PTPRT: variants seen among roughly 807,000 people sequenced by gnomAD.
The protein encoded by PTPRT is receptor-type tyrosine-protein phosphatase T.
In PTPRT, 56 loss-of-function variants were observed where a neutral mutation model predicts 176.8. That is an observed-to-expected ratio of 0.32 (90% CI 0.26 to 0.40). The LOEUF (loss-of-function observed/expected upper bound fraction) is 0.40, where lower values mean the gene tolerates loss of function less well. Ranked by LOEUF, PTPRT falls within the 10% of genes least tolerant of loss-of-function variation. PTPRT has a pLI of 1.00. For synonymous variants in PTPRT, 783 were observed against 739.0 expected, an observed-to-expected ratio of 1.06 and a Z score of -0.96; for missense variants, 1,540 against 1,908.2, an observed-to-expected ratio of 0.81 and a Z score of 3.60.
chr20:42,712,479 G>T (rs952654000), intron 6 of PTPRT, among the ~76,000 whole-genome samples: 3 of 152,176 alleles, frequency 2.0e-5, no homozygotes, highest in African/African-American at 7.2e-5. Context: ...ACACATCTGT[G>T]CACCCTGAGG....
At chr20:42,314,432 G>T (rs2057684123) in intron 12 of PTPRT, among the ~76,000 whole-genome samples, 1 of 151,196 alleles carries the variant, frequency 6.6e-6, no homozygotes, top group Non-Finnish European at 1.5e-5. Context: ...GGGAGGCTGA[G>T]GCAGGAGAAG....
chr20:42,934,914 T>A (rs899870309), intron 1 of PTPRT, among the ~76,000 whole-genome samples: 1 of 151,144 alleles, frequency 6.6e-6, no homozygotes, highest in Non-Finnish European at 1.5e-5. Context: ...ATTAAAAATA[T>A]AAAAAAAGAA....
At chr20:42,680,449 G>C (rs888775673) in intron 6 of PTPRT, among the ~76,000 whole-genome samples, 1 of 152,192 alleles carries the variant, frequency 6.6e-6, no homozygotes, top group African/African-American at 2.4e-5. Flanking sequence ...TAGGTTGGCA[G>C]GCAGATAATT....
At chr20:43,034,861 G>T (rs1021731399) in intron 1 of PTPRT, among the ~76,000 whole-genome samples, 7 of 151,890 alleles carry the variant, frequency 4.6e-5, no homozygotes, top group African/African-American at 1.7e-4. Context: ...TTGCTGGAGA[G>T]GGGGGTCCCT....
rs2058294850 is a variant in PTPRT, at chr20:42,352,227, C to T, written c.1619G>A (p.Gly540Glu). The T allele has an allele frequency of 8.7e-6, 14 of 1,614,024 alleles. No individual in the cohort carries two copies. In the East Asian group the frequency reaches 3.1e-4, roughly 36 times the overall value. Residue 540 changes from glycine (G) to glutamate (E), a missense_variant, in exon 10 of 31, where the codon GGG (glycine) becomes GAG (glutamate). Gly to Glu is a moderately conservative substitution (Grantham distance 98). Coordinates refer to ENST00000373187, the MANE Select transcript of PTPRT (RefSeq NM_007050.6). ...TTCATTCCGGAGCTTGAACACTTTC[C>T]CCCTCTGGCTCGAGAGGTCAGCACT... The part of the protein sequence containing the change: ...DPSADLSSQR[G>E]KVFKLRNETH...
intron 1 of PTPRT, among the ~76,000 whole-genome samples, chr20:42,893,166 A>G (rs1445828686): frequency 6.6e-6 from 1 of 152,216 alleles, no homozygotes; most frequent in Non-Finnish European, 1.5e-5. Context: ...ACAAATTTAC[A>G]AGAAAAAAAC....
chr20:42,699,096 T>G (rs1555901167), intron 6 of PTPRT, among the ~76,000 whole-genome samples: 2 of 151,934 alleles, frequency 1.3e-5, no homozygotes, highest in Non-Finnish European at 2.9e-5. Flanking sequence ...TAAAAAGGAG[T>G]AAAAAGCACA....
the PTPRT span, among the ~76,000 whole-genome samples, chr20:42,039,461 TTGAC>T: frequency 6.6e-6 from 1 of 152,014 alleles, no homozygotes; most frequent in Non-Finnish European, 1.5e-5. Context: ...GTTGTGACCT[TTGAC>T]TGACATCTCC....
intron 6 of PTPRT, among the ~76,000 whole-genome samples, chr20:42,737,906 T>C (rs1235369697): frequency 1.3e-5 from 2 of 152,168 alleles, no homozygotes; most frequent in Admixed American, 6.5e-5. Flanking sequence ...CAGATATACT[T>C]AGCCCCACCT....
intron 1 of PTPRT, among the ~76,000 whole-genome samples, chr20:42,975,717 T>C (rs894247292): frequency 6.6e-6 from 1 of 152,086 alleles, no homozygotes; most frequent in Non-Finnish European, 1.5e-5. Flanking sequence ...TTCTGGAGGC[T>C]ATAGATGGGT....
intron 9 of PTPRT, among the ~76,000 whole-genome samples, chr20:42,386,119 T>C (rs1474618963): frequency 3.3e-5 from 5 of 152,060 alleles, no homozygotes; most frequent in African/African-American, 9.7e-5. Flanking sequence ...AAAGGCATGA[T>C]TATATGAAAA....
At chr20:42,595,893 A>C (rs1243597907) in intron 7 of PTPRT, among the ~76,000 whole-genome samples, 1 of 152,180 alleles carries the variant, frequency 6.6e-6, no homozygotes, top group Non-Finnish European at 1.5e-5. Context: ...GTACTGTGCC[A>C]GGCCTGTCCA....
intron 1 of PTPRT, among the ~76,000 whole-genome samples, chr20:43,064,907 G>A (rs1189993749): frequency 6.6e-6 from 1 of 152,216 alleles, no homozygotes; most frequent in Admixed American, 6.5e-5. Flanking sequence ...ACTTAGTCAT[G>A]ATTCTGGATG....
At chr20:42,863,153 G>A (rs146651086) in intron 2 of PTPRT, among the ~76,000 whole-genome samples, 5 of 152,304 alleles carry the variant, frequency 3.3e-5, no homozygotes, top group Middle Eastern at 6.8e-3. Flanking sequence ...AGGAAATCCC[G>A]TGCTCTCCTC....
At chr20:43,117,319 C>A (rs148426226) in intron 1 of PTPRT, among the ~76,000 whole-genome samples, 6 of 152,154 alleles carry the variant, frequency 3.9e-5, no homozygotes, top group African/African-American at 1.2e-4. Context: ...TTGGATCCAA[C>A]GCAGAAAGCT....
chr20:42,671,158 C>T (rs925980628), intron 7 of PTPRT, among the ~76,000 whole-genome samples: 1 of 152,126 alleles, frequency 6.6e-6, no homozygotes, highest in Non-Finnish European at 1.5e-5. Flanking sequence ...GCATCCACTG[C>T]CCTTGGTTCT....
At chr20:42,830,173 A>G (rs1245957008) in intron 2 of PTPRT, among the ~76,000 whole-genome samples, 3 of 152,200 alleles carry the variant, frequency 2.0e-5, no homozygotes, top group South Asian at 4.1e-4. Flanking sequence ...ATATCCTTGA[A>G]GAACATTAAT....
chr20:42,350,225 T>TTG (rs1555830532), intron 11 of PTPRT, among the ~76,000 whole-genome samples: 13 of 66,224 alleles, frequency 2.0e-4, no homozygotes, highest in African/African-American at 7.5e-4. Flanking sequence ...TTTTTTTTTT[T>TTG]TTTTTTTTTT....
At chr20:42,616,062 TG>T (rs1322702265) in intron 7 of PTPRT, among the ~76,000 whole-genome samples, 3 of 131,682 alleles carry the variant, frequency 2.3e-5, no homozygotes, top group Admixed American at 1.4e-4. Flanking sequence ...AGGGTTTTTA[TG>T]GTTTTAGGTC....
Sources: gnomAD v4.1 joint callset for allele counts (sites outside exome capture counted in the v4.1 genomes callset) on GRCh38, gnomAD v4.1.1 for gene constraint, MANE v1.5 for transcripts, NCBI Gene and HGNC (gene_info 2026-07-23, HGNC 2026-07-21) for gene names.